The following VSIG10 variants were observed in gnomAD, a reference collection of about 807,000 sequenced individuals.
The protein encoded by VSIG10 is V-set and immunoglobulin domain containing 10.
Under a neutral mutation model 58.7 loss-of-function variants are expected in VSIG10, and 48 were observed. The ratio of observed to expected loss-of-function variants is 0.82; its 90% CI spans 0.65 to 1.04. The LOEUF is 1.04. Among genes scored for constraint, VSIG10 ranks in the 50% least tolerant of loss-of-function variants. The probability of loss-of-function intolerance (pLI) is 0.00; values close to 1 mark genes in which losing one functional copy is unlikely to be tolerated. For missense variants in VSIG10, 628 were observed against 670.0 expected (o/e 0.94, Z 0.69); for synonymous variants, 260 against 267.1 (o/e 0.97, Z 0.26).
Position 118,098,685 on chromosome 12 carries a change from C to T in VSIG10, c.80-2871G>A, listed in dbSNP as rs549902619. The stretch of plus-strand genomic sequence containing the variant: ...GAAACACTTCCCCCAGGAAGCCAAA[C>T]TGAGATCTGATGGACAAGTAGGAAT... On this transcript the variant is annotated intron_variant, in intron 1 of 8. Coordinates refer to ENST00000359236, the MANE Select transcript of VSIG10 (RefSeq NM_019086.6). 4.5e-4 allele frequency among the ~76,000 whole-genome samples: 68 copies of T among 152,244 alleles called. No homozygotes were observed. The East Asian group carries it at 0.012, about 28-fold the overall frequency.
intron 2 of VSIG10, among the ~76,000 whole-genome samples, chr12:118,083,114 C>CAAAAAAA (rs61523301): frequency 1.8e-4 from 10 of 55,032 alleles, no homozygotes; most frequent in Non-Finnish European, 2.7e-4. Context: ...CTCCGTCTCA[C>CAAAAAAA]AAAAAAAAAA....
At position 118,078,331 on chromosome 12, in the gene VSIG10, G is replaced by T. The variant is rs559858949; in HGVS notation, c.925+1015C>A. Among the ~76,000 whole-genome samples, 16 of 152,094 alleles carry T rather than the reference G, an allele frequency of 1.1e-4. No homozygotes were observed. The East Asian group carries it at 2.7e-3, about 26-fold the overall frequency. ...GCGCCACCACGCCCAACTAATTTTTGTATTTTTAGTAGAGATGGGGTTTCA... is the reference window on the plus strand; with the variant it reads ...GCGCCACCACGCCCAACTAATTTTTTTATTTTTAGTAGAGATGGGGTTTCA... On this transcript the variant is annotated intron_variant, in intron 4 of 8. Coordinates refer to ENST00000359236, the MANE Select transcript of VSIG10 (RefSeq NM_019086.6).
intron 5 of VSIG10, among the ~76,000 whole-genome samples, chr12:118,071,954 G>T (rs746145149): frequency 6.6e-5 from 10 of 152,108 alleles, no homozygotes; most frequent in Non-Finnish European, 1.2e-4. Flanking sequence ...CGGATCACCT[G>T]AAGTCGGGAG....
intron 3 of VSIG10, 104 bp downstream of exon 3, chr12:118,082,017 TAAAAAA>T (rs11413291): frequency 2.8e-4 from 237 of 849,414 alleles, no homozygotes; most frequent in South Asian, 6.5e-4. Context: ...AACTCCATCT[TAAAAAA>T]AAAAAAAAAA....
At chr12:118,076,044 C>G (rs771556399) in intron 4 of VSIG10, among the ~76,000 whole-genome samples, 2 of 152,116 alleles carry the variant, frequency 1.3e-5, no homozygotes, top group Non-Finnish European at 2.9e-5. Context: ...CTGTACTGAT[C>G]GTATAAAAAT....
rs1217932698 is a variant in VSIG10, at chr12:118,095,886, C to A, written c.80-72G>T. On this transcript the variant is annotated intron_variant, in intron 1 of 8. Transcript: ENST00000359236. ...ACAATGTCCCTTTTTGGACAGTACT[C>A]CTGTATTAGGATTTTTTTAAAAATC... 2.1e-6 allele frequency: 3 copies of A among 1,434,390 alleles called. No individual in the cohort carries two copies. In the African/African-American group the frequency reaches 4.3e-5, roughly 21 times the overall value. The allele number at this position is 1,434,390 out of a possible 1,614,324, so 88.9% of individuals were successfully genotyped here. A position where few individuals can be genotyped will look rare whatever the true frequency, so the allele number is the denominator to read the frequency against.
chr12:118,099,535 G>A (rs1199930641), intron 1 of VSIG10, among the ~76,000 whole-genome samples: 1 of 152,154 alleles, frequency 6.6e-6, no homozygotes, highest in African/African-American at 2.4e-5. Context: ...ATTTTGCTGA[G>A]AAGTTTCACA....
chr12:118,094,508 C>T (rs868288059), intron 2 of VSIG10, among the ~76,000 whole-genome samples: 9 of 151,888 alleles, frequency 5.9e-5, no homozygotes, highest in Non-Finnish European at 1.0e-4. Context: ...CTCAGCCTCC[C>T]GAGTAGCTGG....
chr12:118,090,600 CCA>C (rs2033266042), intron 2 of VSIG10, among the ~76,000 whole-genome samples: 2 of 152,180 alleles, frequency 1.3e-5, no homozygotes, highest in South Asian at 4.1e-4. Flanking sequence ...TGTGAATGCA[CCA>C]CACTCAGCTC....
At chr12:118,090,263 C>CCA in intron 2 of VSIG10, among the ~76,000 whole-genome samples, 1 of 152,228 alleles carries the variant, frequency 6.6e-6, no homozygotes, top group East Asian at 1.9e-4. Flanking sequence ...CGAGATCATG[C>CCA]CACTGCACTC....
At chr12:118,082,480 C>T (rs1055454686) in intron 2 of VSIG10, 51 bp from the exon 3 acceptor site, 17 of 1,532,904 alleles carry the variant, frequency 1.1e-5, no homozygotes, top group East Asian at 4.5e-5. Context: ...AGAGCTCATT[C>T]GATTGCCTTA....
chr12:118,089,600 A>G lies in VSIG10; in HGVS notation c.361+5933T>C, dbSNP rs546345422. ...AAACAGTGGGGCCAAGATGGGTGAC[A>G]TTTTTTAATGCACCCCCTTCATTCC... On this transcript the variant is annotated intron_variant, in intron 2 of 8. Coordinates refer to ENST00000359236, the MANE Select transcript of VSIG10 (RefSeq NM_019086.6). 7.2e-5 allele frequency among the ~76,000 whole-genome samples: 11 copies of G among 152,234 alleles called. No homozygotes were observed. The East Asian group carries it at 2.1e-3, about 29-fold the overall frequency.
rs931875980 is a variant in VSIG10, at chr12:118,103,723, G to C, written c.-52C>G. On this transcript the variant is annotated 5_prime_UTR_variant, in exon 1 of 9. Coordinates refer to ENST00000359236, the MANE Select transcript of VSIG10 (RefSeq NM_019086.6). The stretch of plus-strand genomic sequence containing the variant: ...CGCAGGCTCGGGCTGGGCTGGACGT[G>C]TGTGCCCCAGGGCCCCGGGGCCCGG... 5 of 1,406,710 alleles carry C rather than the reference G, an allele frequency of 3.6e-6. No homozygotes were observed. Among genetic ancestry groups the C allele is most frequent in the Non-Finnish European group, 4.6e-6 (5 of 1,084,788 alleles). 87.1% of individuals were successfully genotyped at this position (1,406,710 alleles called of 1,614,324 possible).
Position 118,095,832 on chromosome 12 carries a change from A to G in VSIG10, c.80-18T>C, listed in dbSNP as rs1592894120. On this transcript the variant is annotated intron_variant, in intron 1 of 8. Transcript: ENST00000359236. ...CTCCAATCCTGTACAAGGCAAGATC[A>G]GGCTGTTACTACCCTTCTTAATTTC... 2 of 1,594,106 alleles carry G rather than the reference A, an allele frequency of 1.3e-6. No individual in the cohort carries two copies. Among genetic ancestry groups the G allele is most frequent in the Non-Finnish European group, 1.7e-6 (2 of 1,169,470 alleles).
intron 4 of VSIG10, among the ~76,000 whole-genome samples, chr12:118,078,938 A>G (rs914809148): frequency 4.3e-5 from 2 of 46,838 alleles, no homozygotes; most frequent in Admixed American, 5.5e-4. Context: ...GACTCTGCCT[A>G]AAAAAAAAAA....
At chr12:118,100,663 G>T (rs1006703322) in intron 1 of VSIG10, among the ~76,000 whole-genome samples, 21 of 152,026 alleles carry the variant, frequency 1.4e-4, no homozygotes, top group Admixed American at 4.6e-4. Flanking sequence ...TGAGTAGCTG[G>T]GATTACAGGC....
intron 1 of VSIG10, 29 bp downstream of exon 1, chr12:118,103,564 A>G: frequency 6.7e-7 from 1 of 1,503,392 alleles, no homozygotes; most frequent in Non-Finnish European, 8.8e-7. Flanking sequence ...GGAAAACTCA[A>G]CTTTTCCCTC....
chr12:118,069,432 T>C (rs1388990799), intron 7 of VSIG10, among the ~76,000 whole-genome samples: 1 of 147,366 alleles, frequency 6.8e-6, no homozygotes, highest in East Asian at 2.0e-4. Context: ...CTTCTTTTTT[T>C]TTTTTTTTTT....
In VSIG10 at chr12:118,092,595, C is replaced by T. The variant is rs962241776; in HGVS notation, c.361+2938G>A. Among the ~76,000 whole-genome samples the T allele has an allele frequency of 3.3e-5, 5 of 151,656 alleles. No homozygotes were observed. In the East Asian group the frequency reaches 5.8e-4, roughly 18 times the overall value. On this transcript the variant is annotated intron_variant, in intron 2 of 8. Coordinates refer to ENST00000359236, the MANE Select transcript of VSIG10 (RefSeq NM_019086.6). The stretch of plus-strand genomic sequence containing the variant: ...CTATATTCCAATAAAACTTTATTTA[C>T]GAACACCAACATTTCAATTTCATTT...
Sources: allele counts gnomAD v4.1 joint callset (sites outside exome capture counted in the v4.1 genomes callset), GRCh38; gene constraint gnomAD v4.1.1; transcripts MANE v1.5; gene names NCBI Gene and HGNC (gene_info 2026-07-23, HGNC 2026-07-21).